The following GRID1 variants were observed in gnomAD, a reference collection of about 807,000 sequenced individuals.
GRID1 encodes glutamate receptor ionotropic, delta-1.
A neutral mutation model predicts 98.0 loss-of-function variants in GRID1; 28 were observed. That is an observed-to-expected ratio of 0.29 (90% confidence interval 0.21 to 0.39). The LOEUF (loss-of-function observed/expected upper bound fraction) is 0.39, where lower values mean the gene tolerates loss of function less well. Among genes scored for constraint, GRID1 ranks in the 10% least tolerant of loss-of-function variants. The pLI is 1.00. For synonymous variants in GRID1, 553 were observed against 538.5 expected (o/e 1.03, Z -0.37); for missense variants, 1,111 against 1,340.5 (o/e 0.83, Z 2.67).
At chr10:85,797,034 T>A (rs987106107) in intron 8 of GRID1, among the ~76,000 whole-genome samples, 1 of 152,040 alleles carries the variant, frequency 6.6e-6, no homozygotes, top group Admixed American at 6.6e-5. Flanking sequence ...ACCTGGAAAA[T>A]TTTATTTTGT....
intron 13 of GRID1, among the ~76,000 whole-genome samples, chr10:85,635,870 G>C (rs1268638161): frequency 6.6e-6 from 1 of 152,228 alleles, no homozygotes; most frequent in African/African-American, 2.4e-5. Context: ...GTGTGGGGGA[G>C]CTGAAGTTTC....
At chr10:86,033,518 C>T (rs536070880) in intron 4 of GRID1, among the ~76,000 whole-genome samples, 21 of 152,318 alleles carry the variant, frequency 1.4e-4, no homozygotes, top group African/African-American at 4.8e-4. Flanking sequence ...CAATCAAACT[C>T]TGCAGGGAGA....
chr10:86,102,583 T>A (rs145921458), intron 4 of GRID1, among the ~76,000 whole-genome samples: 1 of 152,200 alleles, frequency 6.6e-6, no homozygotes, highest in Non-Finnish European at 1.5e-5. Context: ...AGAATAATCA[T>A]TCTTCCTCTA....
chr10:86,151,275 C>T (rs1400212371), intron 3 of GRID1, among the ~76,000 whole-genome samples: 1 of 152,296 alleles, frequency 6.6e-6, no homozygotes, highest in African/African-American at 2.4e-5. Flanking sequence ...GTGCCTGGCA[C>T]ACACATTTCC....
chr10:85,826,093 G>A (rs1842816928), intron 8 of GRID1, among the ~76,000 whole-genome samples: 1 of 152,158 alleles, frequency 6.6e-6, no homozygotes, highest in South Asian at 2.1e-4. Context: ...TTAGGAGGCT[G>A]AGGCGGGTGG....
intron 4 of GRID1, among the ~76,000 whole-genome samples, chr10:85,923,484 G>C (rs1200886483): frequency 6.6e-6 from 1 of 152,162 alleles, no homozygotes; most frequent in Non-Finnish European, 1.5e-5. Flanking sequence ...GGGGAAGGCT[G>C]GTTGCAGGCT....
At chr10:85,882,245 C>T (rs1457646532) in intron 5 of GRID1, among the ~76,000 whole-genome samples, 1 of 152,102 alleles carries the variant, frequency 6.6e-6, no homozygotes, top group African/African-American at 2.4e-5. Context: ...TCTAGAAATA[C>T]CATTTGACCC....
At chr10:86,343,462 A>G (rs1201528819) in intron 2 of GRID1, among the ~76,000 whole-genome samples, 2 of 152,254 alleles carry the variant, frequency 1.3e-5, no homozygotes, top group Non-Finnish European at 2.9e-5. Context: ...TGAGTTTTCT[A>G]AAATTACTGT....
intron 2 of GRID1, among the ~76,000 whole-genome samples, chr10:86,241,548 C>A (rs1846635926): frequency 6.6e-6 from 1 of 152,282 alleles, no homozygotes; most frequent in Non-Finnish European, 1.5e-5. Flanking sequence ...CTCCCCCCCA[C>A]CGCTATCTGG....
At chr10:86,163,304 G>A (rs993011951) in intron 3 of GRID1, among the ~76,000 whole-genome samples, 2 of 152,186 alleles carry the variant, frequency 1.3e-5, no homozygotes, top group African/African-American at 4.8e-5. Flanking sequence ...GGCGCTCCAT[G>A]GCCCATCCTG....
At position 86,365,999 on chromosome 10, in the gene GRID1, C is replaced by G. The variant is rs1332192689; in HGVS notation, c.79+315G>C. Among the ~76,000 whole-genome samples the G allele has an allele frequency of 2.0e-5, 3 of 152,170 alleles. No homozygotes were observed. The highest frequency in any genetic ancestry group is 4.4e-5 in the Non-Finnish European group (3 of 68,016). ...AGCTGCGCAGAAGGGCCCTCCCGAC[C>G]CGCCGACGGCCCCGCTAAGGGCGCG... is the stretch of plus-strand genomic sequence containing the variant. On this transcript the variant is annotated intron_variant, in intron 1 of 15. Transcript: ENST00000327946. The surrounding 1 kb of genome is among the most constrained non-coding windows in gnomAD (Gnocchi z 4.8).
At chr10:86,275,840 A>G (rs1400760863) in intron 2 of GRID1, among the ~76,000 whole-genome samples, 1 of 152,204 alleles carries the variant, frequency 6.6e-6, no homozygotes, top group Non-Finnish European at 1.5e-5. Flanking sequence ...GAAGAGAGAG[A>G]TAAAGGGGAA....
At chr10:86,058,420 A>G (rs1190386709) in intron 4 of GRID1, among the ~76,000 whole-genome samples, 1 of 152,220 alleles carries the variant, frequency 6.6e-6, no homozygotes, top group African/African-American at 2.4e-5. Flanking sequence ...TCTCCAGTAC[A>G]GTGATCTTTT....
chr10:86,079,721 G>A (rs911774859), intron 4 of GRID1, among the ~76,000 whole-genome samples: 2 of 152,128 alleles, frequency 1.3e-5, no homozygotes, highest in Non-Finnish European at 2.9e-5. Context: ...TCCATCATGC[G>A]GCTATTTTCA....
chr10:85,768,632 A>G (rs563334738), intron 8 of GRID1, among the ~76,000 whole-genome samples: 4 of 152,368 alleles, frequency 2.6e-5, no homozygotes, highest in Non-Finnish European at 4.4e-5. Context: ...AAACATTTGA[A>G]AAGATACACA....
Position 85,874,721 on chromosome 10 carries a change from T to C in GRID1, c.781-5541A>G, listed in dbSNP as rs145830534. Among the ~76,000 whole-genome samples the C allele has an allele frequency of 1.0e-3, 158 of 152,332 alleles. 1 individual carries two copies. The highest frequency in any genetic ancestry group is 3.5e-3 in the African/African-American group (144 of 41,576). On this transcript the variant is annotated intron_variant, in intron 5 of 15. Transcript: ENST00000327946. ...CTTTGTAGCTTACCGTGTGGTCAGT[T>C]TGTACTACATGAACGTTTCATGTGC...
chr10:85,789,119 A>C (rs1842455717), intron 8 of GRID1, among the ~76,000 whole-genome samples: 1 of 152,190 alleles, frequency 6.6e-6, no homozygotes, highest in South Asian at 2.1e-4. Context: ...AAGTAAATAT[A>C]AATAAATAAA....
chr10:85,826,943 A>C (rs945899608), intron 8 of GRID1, among the ~76,000 whole-genome samples: 2 of 152,194 alleles, frequency 1.3e-5, no homozygotes, highest in Non-Finnish European at 2.9e-5. Context: ...CAAACCCCCA[A>C]GGGCATCAAA....
chr10:85,700,743 C>T (rs1298227415), intron 12 of GRID1, among the ~76,000 whole-genome samples: 1 of 152,040 alleles, frequency 6.6e-6, no homozygotes, highest in African/African-American at 2.4e-5. Context: ...TACTCAACCC[C>T]AAAGAAAAAG....
Sources: allele counts gnomAD v4.1 joint callset (sites outside exome capture counted in the v4.1 genomes callset), GRCh38; gene constraint gnomAD v4.1.1; non-coding constraint Gnocchi (gnomAD v3.1); transcripts MANE v1.5; gene names NCBI Gene and HGNC (gene_info 2026-07-23, HGNC 2026-07-21).